FGF14: variants seen among roughly 807,000 people sequenced by gnomAD.
The protein encoded by FGF14 is fibroblast growth factor homologous factor 4.
In FGF14, 5 loss-of-function variants were observed where a neutral mutation model predicts 25.5. That is an observed-to-expected ratio of 0.20 (90% CI 0.10 to 0.41). The LOEUF (loss-of-function observed/expected upper bound fraction) is 0.41, where lower values mean the gene tolerates loss of function less well. Ranked by LOEUF, FGF14 falls within the 10% of genes least tolerant of loss-of-function variation. The probability of loss-of-function intolerance (pLI) is 1.00; values close to 1 mark genes in which losing one functional copy is unlikely to be tolerated. For missense variants in FGF14, 222 were observed against 320.1 expected (o/e 0.69, Z 2.34); for synonymous variants, 138 against 118.3 (o/e 1.17, Z -1.08).
At chr13:102,228,191 C>T (rs568418429) in intron 1 of FGF14, among the ~76,000 whole-genome samples, 132 of 152,228 alleles carry the variant, frequency 8.7e-4, no homozygotes, top group African/African-American at 3.1e-3. Flanking sequence ...TAACTTTATC[C>T]CACTATATTT....
At chr13:102,144,986 A>C (rs924694804) in intron 1 of FGF14, among the ~76,000 whole-genome samples, 1 of 152,200 alleles carries the variant, frequency 6.6e-6, no homozygotes, top group African/African-American at 2.4e-5. Context: ...CTACCAGGTA[A>C]TTCTTCCGTA....
At chr13:102,362,401 C>T (rs1276011101) in intron 1 of FGF14, among the ~76,000 whole-genome samples, 3 of 152,224 alleles carry the variant, frequency 2.0e-5, no homozygotes, top group Admixed American at 2.0e-4. Flanking sequence ...TTCTCTCCAC[C>T]AAACTGAATT....
chr13:102,111,089 G>T (rs1315409331), intron 1 of FGF14, among the ~76,000 whole-genome samples: 1 of 151,924 alleles, frequency 6.6e-6, no homozygotes, highest in Non-Finnish European at 1.5e-5. Context: ...CCTGCTTCAG[G>T]TTGCCCCATA....
At chr13:101,972,475 C>A (rs9557767) in intron 1 of FGF14, among the ~76,000 whole-genome samples, 1 of 151,814 alleles carries the variant, frequency 6.6e-6, no homozygotes, top group Admixed American at 6.6e-5. Flanking sequence ...CACATTGTTA[C>A]TGACTCATCT....
chr13:102,220,518 G>A (rs1413011535), intron 1 of FGF14, among the ~76,000 whole-genome samples: 5 of 152,028 alleles, frequency 3.3e-5, no homozygotes, highest in Non-Finnish European at 7.4e-5. Context: ...TATTGTACTC[G>A]CCAACATACA....
chr13:102,386,602 A>G (rs569623025), intron 1 of FGF14, among the ~76,000 whole-genome samples: 28 of 152,322 alleles, frequency 1.8e-4, no homozygotes, highest in African/African-American at 6.3e-4. Context: ...TGCTTTCAAT[A>G]ACAAAAGCGA....
chr13:101,914,770 T>A (rs1202786939), intron 1 of FGF14, among the ~76,000 whole-genome samples: 3 of 152,216 alleles, frequency 2.0e-5, no homozygotes. Context: ...TATATTAAAA[T>A]AAGCTTATTT....
intron 1 of FGF14, among the ~76,000 whole-genome samples, chr13:102,369,759 T>C (rs2057820732): frequency 6.6e-6 from 1 of 152,090 alleles, no homozygotes; most frequent in Admixed American, 6.6e-5. Context: ...AAATAATGCA[T>C]AGGAATATAT....
chr13:101,942,106 T>C (rs894011720), intron 1 of FGF14, among the ~76,000 whole-genome samples: 1 of 152,246 alleles, frequency 6.6e-6, no homozygotes, highest in African/African-American at 2.4e-5. Context: ...TAAATAATAA[T>C]GGCATCTTTT....
At chr13:102,125,493 C>T (rs1042665292) in intron 1 of FGF14, among the ~76,000 whole-genome samples, 5 of 151,972 alleles carry the variant, frequency 3.3e-5, no homozygotes, top group African/African-American at 9.7e-5. Flanking sequence ...AAAAACTGGC[C>T]CATGAATTAA....
At chr13:102,006,650 C>A (rs2039804286) in intron 1 of FGF14, among the ~76,000 whole-genome samples, 1 of 149,884 alleles carries the variant, frequency 6.7e-6, no homozygotes, top group South Asian at 2.1e-4. Context: ...CTTTTAGTAC[C>A]TACAATAAGC....
chr13:102,318,081 CATTTTCAGTA>C (rs1446144721), intron 1 of FGF14, among the ~76,000 whole-genome samples: 1 of 152,170 alleles, frequency 6.6e-6, no homozygotes, highest in Non-Finnish European at 1.5e-5. Context: ...TGGTATCTGG[CATTTTCAGTA>C]AATGGAGGGA....
chr13:102,252,901 T>C (rs971220115), intron 1 of FGF14, among the ~76,000 whole-genome samples: 5 of 152,136 alleles, frequency 3.3e-5, no homozygotes, highest in African/African-American at 1.2e-4. Context: ...CTCCCACTTA[T>C]GAGTGAGAAC....
Position 101,775,617 on chromosome 13 carries a change from C to T in FGF14, c.409-48807G>A, listed in dbSNP as rs141656392. Among the ~76,000 whole-genome samples, 427 of 152,196 alleles carry T rather than the reference C, an allele frequency of 2.8e-3. 1 individual carries two copies. The highest frequency in any genetic ancestry group is 4.4e-3 in the South Asian group (21 of 4,820). ...AAAAGAGATGCACTTAGAGTTATTT[C>T]CCTGTCCCTGTGCAGGTTAGTATAG... On this transcript the variant is annotated intron_variant, in intron 3 of 4. Transcript: ENST00000376143.
intron 1 of FGF14, among the ~76,000 whole-genome samples, chr13:102,186,375 A>T (rs1566793817): frequency 6.6e-6 from 1 of 152,174 alleles, no homozygotes; most frequent in South Asian, 2.1e-4. Context: ...GCCAATGTTG[A>T]CAACTTATTT....
At chr13:102,123,765 A>T (rs1026307268) in intron 1 of FGF14, among the ~76,000 whole-genome samples, 14 of 152,172 alleles carry the variant, frequency 9.2e-5, no homozygotes, top group Middle Eastern at 3.4e-3. Context: ...GCATGTTCAG[A>T]CTCATGTTAG....
intron 1 of FGF14, among the ~76,000 whole-genome samples, chr13:102,260,164 T>C (rs905764732): frequency 2.0e-5 from 3 of 150,950 alleles, no homozygotes; most frequent in African/African-American, 7.3e-5. Context: ...GAGGAGAGAG[T>C]AAGTTTATGT....
intron 1 of FGF14, among the ~76,000 whole-genome samples, chr13:102,062,250 A>G (rs1302072184): frequency 6.6e-6 from 1 of 152,176 alleles, no homozygotes; most frequent in African/African-American, 2.4e-5. Context: ...ACTCAGATGG[A>G]GTTAAAATAG....
chr13:101,897,905 A>G (rs1188025604), intron 1 of FGF14, among the ~76,000 whole-genome samples: 2 of 151,862 alleles, frequency 1.3e-5, no homozygotes, highest in Non-Finnish European at 2.9e-5. Flanking sequence ...TTTATTTTTT[A>G]TTTTTTGGAG....
Sources: allele counts gnomAD v4.1 joint callset (sites outside exome capture counted in the v4.1 genomes callset), GRCh38; gene constraint gnomAD v4.1.1; transcripts MANE v1.5; gene names NCBI Gene and HGNC (gene_info 2026-07-23, HGNC 2026-07-21).